The following RAD51C variants were observed in gnomAD, a reference collection of about 807,000 sequenced individuals.
RAD51C encodes DNA repair protein RAD51 homolog 3.
Under a neutral mutation model 45.0 loss-of-function variants are expected in RAD51C, and 42 were observed. The ratio of observed to expected loss-of-function variants is 0.93; its 90% CI spans 0.73 to 1.21. The LOEUF (loss-of-function observed/expected upper bound fraction) is 1.21, where lower values mean the gene tolerates loss of function less well. RAD51C is among the 50% of genes most tolerant of loss of function. RAD51C has a pLI of 0.00. For missense variants in RAD51C, 474 were observed against 452.2 expected (o/e 1.05, Z -0.44); for synonymous variants, 172 against 159.8 (o/e 1.08, Z -0.58).
At chr17:58,725,998 CAAAA>C (rs1329097091) in intron 7 of RAD51C, among the ~76,000 whole-genome samples, 1 of 48,562 alleles carries the variant, frequency 2.1e-5, no homozygotes, top group Non-Finnish European at 4.4e-5. Context: ...CCACCCCCTG[CAAAA>C]AAAAAAAAAA....
intron 2 of RAD51C, among the ~76,000 whole-genome samples, chr17:58,695,994 G>A (rs952313554): frequency 6.6e-6 from 1 of 151,910 alleles, no homozygotes; most frequent in African/African-American, 2.4e-5. Context: ...TTGTACTTGG[G>A]AGGTGGAGGT....
chr17:58,705,239 A>G (rs2048338720), intron 4 of RAD51C, among the ~76,000 whole-genome samples: 1 of 152,018 alleles, frequency 6.6e-6, no homozygotes, highest in Admixed American at 6.6e-5. Context: ...GTTTCTGGCA[A>G]GGGCTTTCTT....
intron 1 of RAD51C, 133 bp from the exon 2 acceptor site, chr17:58,694,798 T>C: frequency 1.1e-6 from 1 of 937,574 alleles, no homozygotes; most frequent in South Asian, 1.4e-5. Flanking sequence ...AAATGGTTGA[T>C]AGAATGTTGC....
rs928400173 is a variant in RAD51C at position 58,719,755 on chromosome 17, G to A, written c.838-991G>A. On this transcript the variant is annotated intron_variant, in intron 5 of 8. Coordinates refer to ENST00000337432, the MANE Select transcript of RAD51C (RefSeq NM_058216.3). ...TTTTTTTTTTTTTTTTTGAGATGGA[G>A]TCTCACTCTGTTGCCCAGGCTGGAG... Among the ~76,000 whole-genome samples, 16 of 143,808 alleles carry A rather than the reference G, an allele frequency of 1.1e-4. No homozygotes were observed. In the Admixed American group the frequency reaches 1.1e-3, roughly 10 times the overall value. 94.3% of individuals were successfully genotyped at this position (143,808 alleles called of 152,430 possible).
intron 3 of RAD51C, 46 bp downstream of exon 3, chr17:58,696,905 A>G (rs1482957488): frequency 1.2e-6 from 2 of 1,600,318 alleles, no homozygotes; most frequent in African/African-American, 1.3e-5. Flanking sequence ...AATAAAAGTA[A>G]TTTGCATTTG....
Position 58,692,715 on chromosome 17 carries a change from G to A in RAD51C, c.72G>A (p.Arg24=), listed in dbSNP as rs749150256. 6.2e-7 allele frequency: 1 copy of A among 1,614,248 alleles called. No individual in the cohort carries two copies. Among genetic ancestry groups the A allele is most frequent in the South Asian group, 1.1e-5 (1 of 91,080 alleles). The change falls in exon 1 of 9, where the codon CGG becomes CGA. Residue 24 remains arginine (R), a synonymous_variant. Transcript: ENST00000337432. ...GTTTCCCGCTGTCTCCAGCGGTGCG[G>A]GTGAAGCTGGTGTCTGCGGGGTTCC... ...LVSFPLSPAV[R]VKLVSAGFQT... is the part of the protein sequence containing the mutation.
chr17:58,707,053 C>G (rs776087102), intron 4 of RAD51C, among the ~76,000 whole-genome samples: 2 of 152,168 alleles, frequency 1.3e-5, no homozygotes, highest in Admixed American at 1.3e-4. Context: ...AGAAACCAAG[C>G]CACTTCCTCT....
intron 1 of RAD51C, 54 bp from the exon 2 acceptor site, chr17:58,694,877 T>G: frequency 7.0e-7 from 1 of 1,438,678 alleles, no homozygotes; most frequent in Non-Finnish European, 9.8e-7. Context: ...GATTATCATG[T>G]TACACTTTTA....
chr17:58,692,925 G>T (rs2047832786), intron 1 of RAD51C, 137 bp downstream of exon 1: 1 of 1,291,938 alleles, frequency 7.7e-7, no homozygotes, highest in Non-Finnish European at 1.1e-6. Context: ...CAGCGTGAAA[G>T]AGCTCCTCGA....
intron 3 of RAD51C, among the ~76,000 whole-genome samples, chr17:58,700,599 C>T (rs977793298): frequency 6.6e-5 from 10 of 151,968 alleles, no homozygotes; most frequent in African/African-American, 9.7e-5. Context: ...CCCGCCACCA[C>T]GCCTGGCTGA....
intron 4 of RAD51C, among the ~76,000 whole-genome samples, chr17:58,706,188 G>A (rs1253815379): frequency 2.0e-5 from 3 of 152,078 alleles, no homozygotes; most frequent in Non-Finnish European, 4.4e-5. Flanking sequence ...CAGCACTTTG[G>A]GAGGCTGAGG....
chr17:58,724,188 G>A (rs1292921503), intron 7 of RAD51C, 88 bp downstream of exon 7: 1 of 1,283,174 alleles, frequency 7.8e-7, no homozygotes, highest in Non-Finnish European at 1.1e-6. Context: ...TAGTCCTGTG[G>A]ATGAGATATA....
chr17:58,694,863 A>G (rs1393763966), intron 1 of RAD51C, 68 bp from the exon 2 acceptor site: 3 of 1,353,322 alleles, frequency 2.2e-6, no homozygotes, highest in African/African-American at 1.4e-5. Context: ...TAATAAAGAC[A>G]ATCGATTATC....
chr17:58,732,354 G>T, intron 7 of RAD51C, 130 bp from the exon 8 acceptor site: 3 of 746,470 alleles, frequency 4.0e-6, no homozygotes, highest in South Asian at 3.6e-5. Flanking sequence ...TCTCCTTTTT[G>T]TGTTCTTAGA....
At chr17:58,692,580 C>T (rs2143667032), upstream of RAD51C, 1 of 1,595,020 alleles carries the variant, frequency 6.3e-7, no homozygotes, top group South Asian at 1.1e-5. Context: ...TCTGACGTCA[C>T]GCCGCACGCC....
intron 5 of RAD51C, among the ~76,000 whole-genome samples, chr17:58,715,371 T>C (rs2048696463): frequency 6.6e-6 from 1 of 150,478 alleles, no homozygotes; most frequent in Admixed American, 6.7e-5. Context: ...GGAGAATTGC[T>C]TGAACCCAGG....
intron 6 of RAD51C, among the ~76,000 whole-genome samples, chr17:58,722,266 T>C (rs1395017894): frequency 6.6e-6 from 1 of 152,222 alleles, no homozygotes; most frequent in African/African-American, 2.4e-5. Context: ...TAAGTTGTGA[T>C]AATTCTGATG....
Position 58,716,834 on chromosome 17 carries a change from G to A in RAD51C, c.838-3912G>A, listed in dbSNP as rs534056612. ...CACCCAGGCTGGAGTGCAGTGGCGC[G>A]ATCTTGGCTCACTGCAAGCTCTGCC... On this transcript the variant is annotated intron_variant, in intron 5 of 8. Transcript: ENST00000337432. Among the ~76,000 whole-genome samples, 5 of 149,284 alleles carry A rather than the reference G, an allele frequency of 3.3e-5. No individual in the cohort carries two copies. The East Asian group carries it at 8.0e-4, about 24-fold the overall frequency.
chr17:58,698,511 TAG>T (rs1051663973), intron 3 of RAD51C, among the ~76,000 whole-genome samples: 8 of 151,658 alleles, frequency 5.3e-5, no homozygotes, highest in African/African-American at 1.9e-4. Flanking sequence ...GTATTTTTTG[TAG>T]AGAGGGGGTT....
Sources: allele counts gnomAD v4.1 joint callset (sites outside exome capture counted in the v4.1 genomes callset), GRCh38; gene constraint gnomAD v4.1.1; transcripts MANE v1.5; gene names NCBI Gene and HGNC (gene_info 2026-07-23, HGNC 2026-07-21).